TMEM116: variants seen among roughly 807,000 people sequenced by gnomAD.
TMEM116 encodes the protein transmembrane protein 116.
TMEM116 carries 38 observed loss-of-function variants against 44.3 expected under a neutral mutation model. The ratio of observed to expected loss-of-function variants is 0.86; its 90% confidence interval spans 0.66 to 1.12. The LOEUF (loss-of-function observed/expected upper bound fraction) is 1.12, where lower values mean the gene tolerates loss of function less well. Ranked by LOEUF, TMEM116 falls within the 50% of genes most tolerant of loss-of-function variation. The pLI is 0.00. For missense variants in TMEM116, 354 were observed against 401.7 expected, an observed-to-expected ratio of 0.88 and a Z score of 1.01; for synonymous variants, 132 against 144.8, an observed-to-expected ratio of 0.91 and a Z score of 0.64.
intron 3 of TMEM116, among the ~76,000 whole-genome samples, chr12:111,999,052 T>C (rs777792488): frequency 2.6e-5 from 4 of 152,124 alleles, no homozygotes; most frequent in Non-Finnish European, 5.9e-5. Flanking sequence ...TAACAAGGCA[T>C]TATTTTGAAG....
chr12:111,985,593 GTT>G (rs1373408555), intron 4 of TMEM116, among the ~76,000 whole-genome samples: 2 of 152,064 alleles, frequency 1.3e-5, no homozygotes, highest in Non-Finnish European at 2.9e-5. Context: ...TACTATTATA[GTT>G]TTTTGTTTTT....
intron 4 of TMEM116, among the ~76,000 whole-genome samples, chr12:111,959,785 T>C (rs1425511477): frequency 6.6e-6 from 1 of 152,058 alleles, no homozygotes; most frequent in Non-Finnish European, 1.5e-5. Flanking sequence ...GGTAAAGGGA[T>C]CAATGCAACA....
chr12:111,938,941 G>T (rs1001461653), intron 5 of TMEM116, among the ~76,000 whole-genome samples: 2 of 152,166 alleles, frequency 1.3e-5, no homozygotes, highest in Non-Finnish European at 2.9e-5. Context: ...AGCATTAAGT[G>T]AGTAATTAAT....
At chr12:111,947,416 T>A (rs1439482783) in intron 4 of TMEM116, among the ~76,000 whole-genome samples, 1 of 152,186 alleles carries the variant, frequency 6.6e-6, no homozygotes, top group African/African-American at 2.4e-5. Context: ...TTAAACAAAA[T>A]CAGGCTTACT....
At chr12:112,000,769 T>C in intron 3 of TMEM116, 2 of 537,532 alleles carry the variant, frequency 3.7e-6, no homozygotes, top group South Asian at 2.8e-5. Flanking sequence ...ACAATTGCAA[T>C]TGAGTTTACT....
At chr12:111,961,065 A>T (rs7298867) in intron 4 of TMEM116, among the ~76,000 whole-genome samples, 2,693 of 152,332 alleles carry the variant, frequency 0.018, 68 homozygotes, top group African/African-American at 0.062. Flanking sequence ...AATAAACTAG[A>T]AAACCTAGAA....
At chr12:112,010,575 C>A (rs978254298) in intron 1 of TMEM116, 1 of 151,944 alleles carries the variant, frequency 6.6e-6, no homozygotes, top group Non-Finnish European at 1.5e-5. Flanking sequence ...TGCAACTGAT[C>A]GTCCTAATGT....
rs748252807 is a variant in TMEM116, at chr12:111,931,696, C to T, written c.939G>A (p.Lys313=). 1.2e-6 allele frequency: 2 copies of T among 1,614,096 alleles called. No individual in the cohort carries two copies. Among genetic ancestry groups the T allele is most frequent in the Non-Finnish European group, 1.7e-6 (2 of 1,180,008 alleles). ...AATTTAAGCCCCTGCTATAGAATCT[C>T]TTCTGTGAGCATAATAATGGTGTCT... ...DTQTPLLCSQ[K]RFYSRGLNSL... Residue 313 remains lysine, a synonymous_variant, in exon 11 of 11, where the codon AAG becomes AAA. Transcript: ENST00000552374.
In TMEM116 at chr12:111,941,975, G is replaced by A. The variant is rs191762538; in HGVS notation, c.315+1290C>T. Among the ~76,000 whole-genome samples the A allele has an allele frequency of 2.9e-3, 434 of 152,074 alleles. 2 individuals are homozygous for A. Among genetic ancestry groups the A allele is most frequent in the South Asian group, 4.8e-3 (23 of 4,814 alleles). On this transcript the variant is annotated intron_variant, in intron 5 of 10. Coordinates refer to ENST00000552374, the MANE Select transcript of TMEM116 (RefSeq NM_001193531.2). ...TTTTTTTAGACAGAGTTTTGCTCTC[G>A]TTGCCCAGGCTGGAGTGCAATGGTG...
chr12:112,009,019 A>T (rs1372264001), intron 1 of TMEM116, among the ~76,000 whole-genome samples: 3 of 152,122 alleles, frequency 2.0e-5, no homozygotes, highest in African/African-American at 7.2e-5. Flanking sequence ...GTTACCAATT[A>T]TGAAGTGCTT....
intron 3 of TMEM116, chr12:111,993,358 C>A: frequency 1.9e-6 from 1 of 528,976 alleles, no homozygotes; most frequent in Non-Finnish European, 3.8e-6. Context: ...AAAGGACAGG[C>A]TCTGACTTTC....
chr12:112,000,057 C>A (rs1291089429), intron 3 of TMEM116, among the ~76,000 whole-genome samples: 1 of 152,100 alleles, frequency 6.6e-6, no homozygotes, highest in African/African-American at 2.4e-5. Flanking sequence ...CTGGTCTCAT[C>A]ATTTAGTCCA....
rs1389885430 is a variant in TMEM116, at chr12:111,933,976, A to G, written c.643T>C (p.Phe215Leu). ...ACTGCCCACTGTTCACTCCCCAGAA[A>G]GCCAGTTGACTTCACAAACTTCTTA... Reference protein sequence around the residue: ...LYKKFVKSTGFLGSEQWAVIH... With the variant: ...LYKKFVKSTGLLGSEQWAVIH... Residue 215 changes from phenylalanine to leucine, a missense_variant, in exon 9 of 11, where the codon TTT becomes CTT. Physicochemically the swap from Phe to Leu is conservative, Grantham distance 22. Coordinates refer to ENST00000552374, the MANE Select transcript of TMEM116 (RefSeq NM_001193531.2). 6.2e-7 allele frequency: 1 copy of G among 1,614,192 alleles called. No individual in the cohort carries two copies.
At chr12:111,949,124 C>T (rs765064293) in intron 4 of TMEM116, among the ~76,000 whole-genome samples, 13 of 151,570 alleles carry the variant, frequency 8.6e-5, no homozygotes, top group Non-Finnish European at 1.5e-4. Flanking sequence ...CCAACCCCCA[C>T]CCCCAAAAAA....
At chr12:112,003,667 C>A in intron 3 of TMEM116, 133 bp downstream of exon 3, 1 of 1,282,372 alleles carries the variant, frequency 7.8e-7, no homozygotes, top group Non-Finnish European at 1.0e-6. Flanking sequence ...CCAAAAATAT[C>A]TCATTGTATC....
At chr12:111,971,645 A>ATC (rs1342407103) in intron 4 of TMEM116, among the ~76,000 whole-genome samples, 2 of 152,246 alleles carry the variant, frequency 1.3e-5, no homozygotes, top group Non-Finnish European at 2.9e-5. Context: ...AACAAACAGC[A>ATC]AAATGTTAGA....
At position 111,936,676 on chromosome 12, in the gene TMEM116, T is replaced by A. The variant is rs1205392695; in HGVS notation, c.588+16A>T. On this transcript the variant is annotated intron_variant, in intron 8 of 10. Transcript: ENST00000552374. ...TTCCTCATCTCTCCACAAAGGAAGG[T>A]AGGGTGGTACCATACCATAATGGTA... is the stretch of plus-strand genomic sequence containing the variant. 1.2e-6 allele frequency: 2 copies of A among 1,609,612 alleles called. No individual in the cohort carries two copies. The highest frequency in any genetic ancestry group is 3.4e-5 in the Admixed American group (2 of 58,938).
intron 1 of TMEM116, among the ~76,000 whole-genome samples, chr12:112,008,210 C>T (rs891525820): frequency 2.0e-5 from 3 of 152,080 alleles, no homozygotes; most frequent in East Asian, 3.9e-4. Flanking sequence ...AGGCTGGGCG[C>T]GGTGGCTCAC....
At chr12:111,987,612 T>C (rs2076298856) in intron 4 of TMEM116, among the ~76,000 whole-genome samples, 1 of 151,952 alleles carries the variant, frequency 6.6e-6, no homozygotes, top group Non-Finnish European at 1.5e-5. Flanking sequence ...TACTAATGAT[T>C]AGAGAAATGC....
Sources: allele counts gnomAD v4.1 joint callset (sites outside exome capture counted in the v4.1 genomes callset), GRCh38; gene constraint gnomAD v4.1.1; transcripts MANE v1.5; gene names NCBI Gene and HGNC (gene_info 2026-07-23, HGNC 2026-07-21).